DNAH6: variants seen among roughly 807,000 people sequenced by gnomAD.
DNAH6 encodes dynein axonemal heavy chain 6.
In DNAH6, 340 loss-of-function variants were observed where a neutral mutation model predicts 491.4. The observed-to-expected ratio is 0.69, with a 90% CI of 0.63 to 0.76. DNAH6 has a LOEUF of 0.76. Ranked by LOEUF, DNAH6 falls within the 30% of genes least tolerant of loss-of-function variation. The probability of loss-of-function intolerance (pLI) is 0.00; values close to 1 mark genes in which losing one functional copy is unlikely to be tolerated. For missense variants in DNAH6, 4,443 were observed against 4,972.2 expected, an observed-to-expected ratio of 0.89 and a Z score of 3.20; for synonymous variants, 1,603 against 1,686.1, an observed-to-expected ratio of 0.95 and a Z score of 1.21.
chr2:84,694,129 G>C, intron 45 of DNAH6, 120 bp from the exon 46 acceptor site: 2 of 802,098 alleles, frequency 2.5e-6, no homozygotes, highest in Non-Finnish European at 4.0e-6. Flanking sequence ...CTCTTCCCTT[G>C]CAGCATCCTG....
Position 84,552,950 on chromosome 2 carries a change from T to C in DNAH6, c.1518T>C (p.Asp506=), listed in dbSNP as rs906185908. The change falls in exon 10 of 77, where the codon GAT becomes GAC. Residue 506 remains aspartate (D), a synonymous_variant. Coordinates refer to ENST00000389394, the MANE Select transcript of DNAH6 (RefSeq NM_001370.2). ...GTLMVEKQEE[D]ESLIPMFLTE... is the part of the protein sequence containing the mutation. Reference sequence around the variant, plus strand: ...TTATGGTGGAAAAGCAAGAAGAAGATGAATCTCTCATCCCCATGTTTCTCA... The same window carrying C: ...TTATGGTGGAAAAGCAAGAAGAAGACGAATCTCTCATCCCCATGTTTCTCA... 1.2e-6 allele frequency: 2 copies of C among 1,612,024 alleles called. No individual in the cohort carries two copies. The highest frequency in any genetic ancestry group is 2.2e-5 in the East Asian group (1 of 44,702).
chr2:84,692,015 G>C (rs1462374277), intron 45 of DNAH6, among the ~76,000 whole-genome samples: 1 of 152,216 alleles, frequency 6.6e-6, no homozygotes, highest in Admixed American at 6.5e-5. Flanking sequence ...TCTTATTTCA[G>C]AAGATCCTAA....
chr2:84,643,502 A>T (rs1296350297), intron 33 of DNAH6, among the ~76,000 whole-genome samples: 1 of 152,002 alleles, frequency 6.6e-6, no homozygotes, highest in African/African-American at 2.4e-5. Flanking sequence ...TTCCCACTGC[A>T]CACGTGGTAC....
chr2:84,700,528 A>G (rs1272396792), intron 48 of DNAH6, among the ~76,000 whole-genome samples: 1 of 152,226 alleles, frequency 6.6e-6, no homozygotes, highest in Non-Finnish European at 1.5e-5. Flanking sequence ...CATAAAACTG[A>G]TATATTAGAA....
the DNAH6 span, among the ~76,000 whole-genome samples, chr2:84,485,652 C>T: frequency 6.6e-6 from 1 of 151,972 alleles, no homozygotes; most frequent in Non-Finnish European, 1.5e-5. Flanking sequence ...GTTTTTTCTC[C>T]AATATTGGAG....
chr2:84,764,366 G>A (rs1279990692), intron 64 of DNAH6, among the ~76,000 whole-genome samples: 1 of 152,088 alleles, frequency 6.6e-6, no homozygotes, highest in Non-Finnish European at 1.5e-5. Context: ...AATGCCCAAT[G>A]AGCATATGAA....
chr2:84,815,358 C>T (rs537085855), intron 75 of DNAH6, among the ~76,000 whole-genome samples: 5 of 150,632 alleles, frequency 3.3e-5, no homozygotes, highest in African/African-American at 1.2e-4. Context: ...GGAAGGATGA[C>T]TCAGATGCCC....
chr2:84,600,263 G>A (rs1052043927), intron 18 of DNAH6, among the ~76,000 whole-genome samples: 1 of 152,062 alleles, frequency 6.6e-6, no homozygotes, highest in African/African-American at 2.4e-5. Context: ...TCATAGAAAA[G>A]TTATAACAAT....
chr2:84,617,828 G>A (rs1687021125), intron 23 of DNAH6, among the ~76,000 whole-genome samples: 1 of 152,088 alleles, frequency 6.6e-6, no homozygotes, highest in African/African-American at 2.4e-5. Flanking sequence ...CTTGAGGAGA[G>A]TGAACCCCAC....
chr2:84,665,719 A>C (rs1453010015), intron 37 of DNAH6, among the ~76,000 whole-genome samples: 1 of 152,220 alleles, frequency 6.6e-6, no homozygotes, highest in Non-Finnish European at 1.5e-5. Context: ...CAATCAATAG[A>C]AAAAGAGGGA....
intron 64 of DNAH6, among the ~76,000 whole-genome samples, chr2:84,769,310 T>C (rs1675394140): frequency 6.6e-6 from 1 of 152,220 alleles, no homozygotes; most frequent in Admixed American, 6.5e-5. Flanking sequence ...CTATCTGCCA[T>C]CCGTCCACCC....
chr2:84,726,777 A>G (rs1049258175), intron 60 of DNAH6, among the ~76,000 whole-genome samples: 17 of 140,526 alleles, frequency 1.2e-4, no homozygotes, highest in Non-Finnish European at 2.6e-4. Context: ...GTATAATAAT[A>G]ATAAAAAAAA....
Position 84,754,604 on chromosome 2 carries a change from T to A in DNAH6, c.10513-8151T>A, listed in dbSNP as rs186053803. 5.0e-4 allele frequency among the ~76,000 whole-genome samples: 76 copies of A among 152,294 alleles called. No homozygotes were observed. The Middle Eastern group carries it at 0.01, about 20-fold the overall frequency. On this transcript the variant is annotated intron_variant, in intron 63 of 76. Transcript: ENST00000389394. The stretch of plus-strand genomic sequence containing the variant: ...AATCAGTTGACTACAATTGTGAGAG[T>A]TTTTTTCTGAATTTTCAATTTTATT...
chr2:84,797,418 C>G (rs901703695), intron 69 of DNAH6, 119 bp from the exon 70 acceptor site: 3 of 928,128 alleles, frequency 3.2e-6, no homozygotes, highest in Non-Finnish European at 4.7e-6. Context: ...AACAATCCCC[C>G]TTTCTACATG....
chr2:84,699,820 GGT>G, intron 48 of DNAH6, 86 bp downstream of exon 48: 7 of 1,332,476 alleles, frequency 5.3e-6, no homozygotes, highest in Non-Finnish European at 7.1e-6. Flanking sequence ...GTAACTCATG[GGT>G]ACTTGTATTA....
rs80051163 is a variant in DNAH6, at chr2:84,640,797, C to T, written c.4970+219C>T. Among the ~76,000 whole-genome samples the T allele has an allele frequency of 0.023, 3,434 of 152,228 alleles. 116 individuals carry two copies. The highest frequency in any genetic ancestry group is 0.078 in the African/African-American group (3,231 of 41,528). ...CTGTGAGTCCTAACATGGTTGTCCT[C>T]GACAGAAAATGATCCCCAGCTAGGC... On this transcript the variant is annotated intron_variant, in intron 32 of 76. Coordinates refer to ENST00000389394, the MANE Select transcript of DNAH6 (RefSeq NM_001370.2).
At chr2:84,658,269 A>G in intron 35 of DNAH6, 23 bp from the exon 36 acceptor site, 2 of 1,469,750 alleles carry the variant, frequency 1.4e-6, no homozygotes, top group Non-Finnish European at 1.8e-6. Context: ...GTCTTGCTAA[A>G]CTATCATTTG....
intron 49 of DNAH6, among the ~76,000 whole-genome samples, chr2:84,702,542 CTTTT>C (rs34867074): frequency 7.5e-6 from 1 of 132,472 alleles, no homozygotes; most frequent in Non-Finnish European, 1.6e-5. Flanking sequence ...TTTGAACCAG[CTTTT>C]TTTTTTTTTT....
chr2:84,575,104 C>T (rs757155276), intron 12 of DNAH6, among the ~76,000 whole-genome samples: 22 of 152,164 alleles, frequency 1.4e-4, no homozygotes, highest in African/African-American at 3.9e-4. Context: ...ACCCCCAGTA[C>T]GTCCTAAACC....
Sources: gnomAD v4.1 joint callset for allele counts (sites outside exome capture counted in the v4.1 genomes callset) on GRCh38, gnomAD v4.1.1 for gene constraint, MANE v1.5 for transcripts, NCBI Gene and HGNC (gene_info 2026-07-23, HGNC 2026-07-21) for gene names.